OCA2: variants seen among roughly 807,000 people sequenced by gnomAD.
OCA2 encodes P protein.
Under a neutral mutation model 100.2 loss-of-function variants are expected in OCA2, and 77 were observed. That is an observed-to-expected ratio of 0.77 (90% confidence interval 0.64 to 0.93). OCA2 has a LOEUF of 0.93. Ranked by LOEUF, OCA2 falls within the 40% of genes least tolerant of loss-of-function variation. OCA2 has a pLI of 0.00. For missense variants in OCA2, 1,062 were observed against 1,089.1 expected, an observed-to-expected ratio of 0.98 and a Z score of 0.35; for synonymous variants, 432 against 439.2, an observed-to-expected ratio of 0.98 and a Z score of 0.21.
intron 19 of OCA2, among the ~76,000 whole-genome samples, chr15:27,900,896 T>C (rs1029470403): frequency 6.6e-6 from 1 of 152,104 alleles, no homozygotes; most frequent in African/African-American, 2.4e-5. Context: ...ACCTCAACAG[T>C]GGATAAAAAC....
At chr15:27,947,901 A>G (rs2039898572) in intron 18 of OCA2, among the ~76,000 whole-genome samples, 1 of 152,146 alleles carries the variant, frequency 6.6e-6, no homozygotes. Context: ...TCCCGGATGA[A>G]GAACACACAT....
At chr15:27,852,133 T>G in intron 21 of OCA2, among the ~76,000 whole-genome samples, 1 of 152,236 alleles carries the variant, frequency 6.6e-6, no homozygotes, top group Non-Finnish European at 1.5e-5. Flanking sequence ...CTTTCTGACG[T>G]TGATGCACTT....
At chr15:27,968,386 G>A (rs4778133) in intron 14 of OCA2, among the ~76,000 whole-genome samples, 7,043 of 152,304 alleles carry the variant, frequency 0.046, 247 homozygotes, top group South Asian at 0.13. Context: ...GGGCAGTCCA[G>A]CTCTGCCTTG....
Position 27,955,527 on chromosome 15 carries a change from G to A in OCA2, c.1785-312C>T, listed in dbSNP as rs141555138. On this transcript the variant is annotated intron_variant, in intron 16 of 23. Coordinates refer to ENST00000354638, the MANE Select transcript of OCA2 (RefSeq NM_000275.3). The stretch of plus-strand genomic sequence containing the variant: ...CAGTGCGTGGAGGAGGGCAGCGACC[G>A]TCAGTCTCTTTATTTTCCTCTTTAT... Among the ~76,000 whole-genome samples, 1,286 of 152,322 alleles carry A rather than the reference G, an allele frequency of 8.4e-3. 21 individuals are homozygous for A. The highest frequency in any genetic ancestry group is 0.029 in the African/African-American group (1,197 of 41,562).
At chr15:27,910,386 T>C (rs562134137) in intron 19 of OCA2, among the ~76,000 whole-genome samples, 3 of 152,172 alleles carry the variant, frequency 2.0e-5, no homozygotes, top group Non-Finnish European at 4.4e-5. Context: ...ATATTCACCG[T>C]AGTGTTGTTT....
chr15:27,777,745 T>C (rs2032317861), intron 23 of OCA2, among the ~76,000 whole-genome samples: 1 of 152,206 alleles, frequency 6.6e-6, no homozygotes, highest in Non-Finnish European at 1.5e-5. Context: ...GCCCAGGGTC[T>C]CCCTTGCCTG....
In OCA2 at chr15:28,081,787, C is replaced by T. The variant is rs770810288; in HGVS notation, c.88G>A (p.Glu30Lys). 1.2e-6 allele frequency: 2 copies of T among 1,613,022 alleles called. No individual in the cohort carries two copies. The highest frequency in any genetic ancestry group is 2.7e-5 in the African/African-American group (2 of 74,936). ...LQTSVPSGLA[E>K]LVAGKRRLPR... ...AGCCTGCGCTTGCCGGCCACAAGTTCAGCGAGTCCGCTGGGCACGGACGTC... is the reference window on the plus strand; with the variant it reads ...AGCCTGCGCTTGCCGGCCACAAGTTTAGCGAGTCCGCTGGGCACGGACGTC... Residue 30 changes from glutamate (E) to lysine (K), a missense_variant, in exon 2 of 24, where the codon GAA becomes AAA. Transcript: ENST00000354638.
chr15:27,796,451 G>A (rs2033338732), intron 23 of OCA2, among the ~76,000 whole-genome samples: 3 of 152,252 alleles, frequency 2.0e-5, no homozygotes. Context: ...TGGGCACTCA[G>A]CATCATGCCA....
Position 28,064,813 on chromosome 15 carries a change from TTTAAAGGA to T in OCA2, c.227+16827_227+16834del, listed in dbSNP as rs2043974728. Among the ~76,000 whole-genome samples, 3 of 151,856 alleles carry T rather than the reference TTTAAAGGA, an allele frequency of 2.0e-5. No homozygotes were observed. In the East Asian group the frequency reaches 5.8e-4, roughly 29 times the overall value. On this transcript the variant is annotated intron_variant, in intron 2 of 23. Coordinates refer to ENST00000354638, the MANE Select transcript of OCA2 (RefSeq NM_000275.3). Reference sequence around the variant, plus strand: ...TCAAGGATGGAAAGAAACAAATCCATTTAAAGGATTTAAATGGATTTGTTTCTTTGTAT... The same window carrying T: ...TCAAGGATGGAAAGAAACAAATCCATTTTAAATGGATTTGTTTCTTTGTAT...
intron 1 of OCA2, among the ~76,000 whole-genome samples, chr15:28,082,332 C>G (rs112461534): frequency 6.6e-6 from 1 of 152,124 alleles, no homozygotes; most frequent in Non-Finnish European, 1.5e-5. Context: ...TGGATACTTT[C>G]GATGTTTTGG....
intron 12 of OCA2, 147 bp from the exon 13 acceptor site, chr15:27,985,335 G>A (rs2041318020): frequency 4.4e-6 from 4 of 910,868 alleles, no homozygotes; most frequent in Non-Finnish European, 3.5e-6. Flanking sequence ...TCCTAGGGGG[G>A]CCGAGATGAG....
At chr15:27,799,878 G>A (rs2033521000) in intron 23 of OCA2, among the ~76,000 whole-genome samples, 1 of 152,146 alleles carries the variant, frequency 6.6e-6, no homozygotes, top group Admixed American at 6.5e-5. Context: ...CCAGTAGTGG[G>A]CTCAAAAAGT....
intron 6 of OCA2, among the ~76,000 whole-genome samples, chr15:28,019,896 G>A (rs1308133757): frequency 6.6e-6 from 1 of 152,190 alleles, no homozygotes; most frequent in Non-Finnish European, 1.5e-5. Flanking sequence ...CAAAGAGAGG[G>A]TCCGTGAGTT....
chr15:27,990,628 GC>G lies in OCA2; in HGVS notation c.1063del (p.Ala355ArgfsTer15), dbSNP rs1279799213. On this transcript the variant is annotated frameshift_variant, in exon 10 of 24. Coordinates refer to ENST00000354638, the MANE Select transcript of OCA2 (RefSeq NM_000275.3). LOFTEE classifies it high-confidence loss of function. ...IIFEIVHRTLAAMLGSLAALA... is the reference protein window; with the variant it reads ...IIFEIVHRTLXAMLGSLAALA... ...TGCTGCAAGGGAACCCAGCATGGCC[GC>G]CAGAGTTCTGTGCACGATCTGGAAA... is the stretch of plus-strand genomic sequence containing the variant. The G allele has an allele frequency of 6.2e-7, 1 of 1,613,852 alleles. No homozygotes were observed. Among genetic ancestry groups the G allele is most frequent in the African/African-American group, 1.3e-5 (1 of 74,932 alleles).
chr15:27,896,187 G>A, intron 19 of OCA2: 1 of 905,462 alleles, frequency 1.1e-6, no homozygotes, highest in Non-Finnish European at 1.8e-6. Flanking sequence ...CCTGAAGAGA[G>A]CTGTAGATAG....
At chr15:28,027,383 C>G (rs1444350116) in intron 4 of OCA2, among the ~76,000 whole-genome samples, 2 of 152,212 alleles carry the variant, frequency 1.3e-5, no homozygotes, top group East Asian at 3.9e-4. Flanking sequence ...CAAATGCTTA[C>G]ACATTAATGG....
chr15:27,840,843 A>G (rs563594701), intron 23 of OCA2, among the ~76,000 whole-genome samples: 1 of 152,370 alleles, frequency 6.6e-6, no homozygotes, highest in East Asian at 1.9e-4. Context: ...ATAGGAGATA[A>G]TCTTTGAAAA....
At chr15:27,734,496 C>A in the OCA2 span, among the ~76,000 whole-genome samples, 11,181 of 152,148 alleles carry the variant, frequency 0.073, 891 homozygotes, top group African/African-American at 0.2. Context: ...TAGGCCCCAG[C>A]ACTGGGCCTG....
intron 14 of OCA2, among the ~76,000 whole-genome samples, chr15:27,980,464 T>A (rs572690879): frequency 6.6e-6 from 1 of 152,334 alleles, no homozygotes; most frequent in Non-Finnish European, 1.5e-5. Context: ...CCCATGTAGT[T>A]ACCCTTTTCA....
Sources: gnomAD v4.1 joint callset for allele counts (sites outside exome capture counted in the v4.1 genomes callset) on GRCh38, gnomAD v4.1.1 for gene constraint, MANE v1.5 for transcripts, NCBI Gene and HGNC (gene_info 2026-07-23, HGNC 2026-07-21) for gene names.